Variants in CSMD1 observed in about 807,000 individuals in gnomAD.
CSMD1 encodes the protein CUB and Sushi multiple domains 1, also known as CUB and sushi domain-containing protein 1.
CSMD1 carries 213 observed loss-of-function variants against 417.5 expected under a neutral mutation model. That is an observed-to-expected ratio of 0.51 (90% CI 0.46 to 0.57). CSMD1 has a LOEUF of 0.57. Ranked by LOEUF, CSMD1 falls within the 20% of genes least tolerant of loss-of-function variation. CSMD1 has a pLI of 0.00. For synonymous variants in CSMD1, 2,862 were observed against 1,736.8 expected, an observed-to-expected ratio of 1.65 and a Z score of -16.11; for missense variants, 6,923 against 4,529.7, an observed-to-expected ratio of 1.53 and a Z score of -15.17.
intron 10 of CSMD1, among the ~76,000 whole-genome samples, chr8:3,548,483 T>A (rs370200953): frequency 8.5e-5 from 13 of 152,050 alleles, no homozygotes. Context: ...AGGTCTACCC[T>A]GCCACTCTTA....
At chr8:3,899,387 G>C (rs1807577381) in intron 5 of CSMD1, among the ~76,000 whole-genome samples, 1 of 152,196 alleles carries the variant, frequency 6.6e-6, no homozygotes, top group Non-Finnish European at 1.5e-5. Context: ...GACTGAACAT[G>C]ACCCATATGG....
At chr8:4,341,904 C>T (rs1293522779) in intron 3 of CSMD1, among the ~76,000 whole-genome samples, 1 of 152,078 alleles carries the variant, frequency 6.6e-6, no homozygotes, top group Non-Finnish European at 1.5e-5. Flanking sequence ...TCTGATTACT[C>T]ATTATCTGTA....
At chr8:4,214,257 T>G (rs1800497841) in intron 3 of CSMD1, among the ~76,000 whole-genome samples, 1 of 152,208 alleles carries the variant, frequency 6.6e-6, no homozygotes, top group Non-Finnish European at 1.5e-5. Context: ...TGTTTGAGAC[T>G]TTTACAAGAA....
chr8:3,969,465 C>A (rs117752654), intron 5 of CSMD1, among the ~76,000 whole-genome samples: 1 of 152,104 alleles, frequency 6.6e-6, no homozygotes, highest in African/African-American at 2.4e-5. Flanking sequence ...TGTTTAAGAT[C>A]CTGGTCTATA....
intron 50 of CSMD1, among the ~76,000 whole-genome samples, chr8:3,044,577 A>C (rs972828527): frequency 6.6e-6 from 1 of 152,094 alleles, no homozygotes; most frequent in Non-Finnish European, 1.5e-5. Flanking sequence ...TCATCATGTC[A>C]TTAGCATGAA....
intron 46 of CSMD1, among the ~76,000 whole-genome samples, chr8:3,105,558 T>A (rs1816076611): frequency 6.6e-6 from 1 of 152,254 alleles, no homozygotes; most frequent in African/African-American, 2.4e-5. Flanking sequence ...TCTACTTGTC[T>A]TCTAATAGAT....
intron 23 of CSMD1, among the ~76,000 whole-genome samples, chr8:3,313,565 C>T (rs1217429908): frequency 6.6e-6 from 1 of 152,168 alleles, no homozygotes; most frequent in Non-Finnish European, 1.5e-5. Flanking sequence ...CAATAAGATA[C>T]TATCTCACAC....
intron 25 of CSMD1, among the ~76,000 whole-genome samples, chr8:3,287,755 C>T (rs760899257): frequency 2.0e-5 from 3 of 152,116 alleles, no homozygotes; most frequent in Non-Finnish European, 4.4e-5. Flanking sequence ...CCAACAGGGA[C>T]AATTTGACTT....
chr8:3,782,163 G>A (rs921075197), intron 5 of CSMD1, among the ~76,000 whole-genome samples: 23 of 152,098 alleles, frequency 1.5e-4, no homozygotes, highest in African/African-American at 5.3e-4. Flanking sequence ...GAAAACAAAC[G>A]AAGTCAAAGA....
intron 18 of CSMD1, among the ~76,000 whole-genome samples, chr8:3,372,262 G>T (rs1252925513): frequency 6.6e-6 from 1 of 152,114 alleles, no homozygotes; most frequent in Non-Finnish European, 1.5e-5. Flanking sequence ...TTAGGACCAG[G>T]GCTCAAGCTA....
At chr8:4,146,260 G>C (rs1056824122) in intron 3 of CSMD1, among the ~76,000 whole-genome samples, 3 of 151,006 alleles carry the variant, frequency 2.0e-5, no homozygotes, top group Admixed American at 6.6e-5. Flanking sequence ...TCATCCACTC[G>C]AGGCAGTAAT....
At chr8:4,367,688 C>G (rs1198387411) in intron 3 of CSMD1, among the ~76,000 whole-genome samples, 2 of 152,028 alleles carry the variant, frequency 1.3e-5, no homozygotes, top group East Asian at 3.9e-4. Context: ...TCTTCCTGAC[C>G]ATGAGCACTG....
intron 1 of CSMD1, among the ~76,000 whole-genome samples, chr8:4,744,260 G>A (rs1270761635): frequency 2.0e-5 from 3 of 152,154 alleles, no homozygotes; most frequent in East Asian, 3.9e-4. Flanking sequence ...TACAGCTCAG[G>A]GGCTTGAACT....
In CSMD1 at chr8:3,024,107, A is replaced by T. The variant is rs148463968; in HGVS notation, c.7855+5212T>A. On this transcript the variant is annotated intron_variant, in intron 51 of 69. Coordinates refer to ENST00000635120, the MANE Select transcript of CSMD1 (RefSeq NM_033225.6). ...TCACACACTTATTTAATAGTAAATT[A>T]TATTATTACCAGGATTCATGGTGTG... is the stretch of plus-strand genomic sequence containing the variant. 6.6e-5 allele frequency among the ~76,000 whole-genome samples: 10 copies of T among 151,974 alleles called. No homozygotes were observed. The East Asian group carries it at 2.0e-3, about 30-fold the overall frequency.
chr8:3,752,671 C>T (rs1163837980), intron 6 of CSMD1, among the ~76,000 whole-genome samples: 2 of 102,540 alleles, frequency 2.0e-5, no homozygotes, highest in African/African-American at 8.5e-5. Context: ...CCACTCCCCG[C>T]CTGGCAAAAA....
At chr8:3,227,264 G>C (rs150298636) in intron 27 of CSMD1, among the ~76,000 whole-genome samples, 1 of 152,034 alleles carries the variant, frequency 6.6e-6, no homozygotes, top group Non-Finnish European at 1.5e-5. Context: ...AGCCGGGCTT[G>C]GTGGTGGGCG....
chr8:4,135,285 G>GACCATTA (rs1803351140), intron 3 of CSMD1, among the ~76,000 whole-genome samples: 10 of 150,780 alleles, frequency 6.6e-5, no homozygotes, highest in Admixed American at 5.3e-4. Flanking sequence ...TTAGAAGGAG[G>GACCATTA]GAAGGAAGAC....
At chr8:4,695,881 G>C (rs889391357) in intron 1 of CSMD1, among the ~76,000 whole-genome samples, 24 of 152,282 alleles carry the variant, frequency 1.6e-4, no homozygotes, top group African/African-American at 5.5e-4. Flanking sequence ...TTTTGAACAT[G>C]AGAAACCCTA....
At chr8:4,172,124 G>A (rs1360166404) in intron 3 of CSMD1, among the ~76,000 whole-genome samples, 2 of 152,112 alleles carry the variant, frequency 1.3e-5, no homozygotes, top group Non-Finnish European at 2.9e-5. Context: ...TTCAGTAGGT[G>A]CATGACTACC....
Sources: gnomAD v4.1 joint callset for allele counts (sites outside exome capture counted in the v4.1 genomes callset) on GRCh38, gnomAD v4.1.1 for gene constraint, MANE v1.5 for transcripts, NCBI Gene and HGNC (gene_info 2026-07-23, HGNC 2026-07-21) for gene names.